CADPS2: variants seen among roughly 807,000 people sequenced by gnomAD.
The protein encoded by CADPS2 is calcium dependent secretion activator 2.
A neutral mutation model predicts 172.5 loss-of-function variants in CADPS2; 93 were observed. The ratio of observed to expected loss-of-function variants is 0.54; its 90% CI spans 0.46 to 0.64. The LOEUF is 0.64. CADPS2 is among the 30% of genes least tolerant of loss of function. The pLI is 0.00. For synonymous variants in CADPS2, 546 were observed against 555.2 expected, an observed-to-expected ratio of 0.98 and a Z score of 0.23; for missense variants, 1,420 against 1,565.9, an observed-to-expected ratio of 0.91 and a Z score of 1.57.
intron 8 of CADPS2, among the ~76,000 whole-genome samples, chr7:122,549,389 C>T (rs561261499): frequency 2.0e-5 from 3 of 152,110 alleles, no homozygotes; most frequent in East Asian, 3.9e-4. Context: ...CAATACTTAC[C>T]GTCTACATGA....
At chr7:122,706,331 T>A (rs1260682705) in intron 2 of CADPS2, among the ~76,000 whole-genome samples, 3 of 43,192 alleles carry the variant, frequency 6.9e-5, no homozygotes, top group African/African-American at 2.1e-4. Context: ...TATATGCTTA[T>A]ATATTCAAGG....
chr7:122,357,129 C>A (rs1388209500), intron 27 of CADPS2, among the ~76,000 whole-genome samples: 1 of 152,128 alleles, frequency 6.6e-6, no homozygotes, highest in Non-Finnish European at 1.5e-5. Context: ...ACTGATATTT[C>A]CAACTCTAAT....
chr7:122,602,004 CA>C (rs1181727176), intron 6 of CADPS2, among the ~76,000 whole-genome samples: 2 of 151,542 alleles, frequency 1.3e-5, no homozygotes, highest in Non-Finnish European at 2.9e-5. Flanking sequence ...AACTTACTGA[CA>C]AAAAATGTAT....
At chr7:122,655,034 C>G (rs2430045) in intron 3 of CADPS2, among the ~76,000 whole-genome samples, 2 of 152,034 alleles carry the variant, frequency 1.3e-5, no homozygotes, top group Admixed American at 1.3e-4. Flanking sequence ...GAATTAGAAA[C>G]AGAAGTGGAG....
At chr7:122,377,779 A>G (rs192867457) in intron 25 of CADPS2, among the ~76,000 whole-genome samples, 25 of 152,006 alleles carry the variant, frequency 1.6e-4, no homozygotes, top group African/African-American at 5.5e-4. Flanking sequence ...CTTGTTGGTG[A>G]GTGTGTGAGG....
intron 27 of CADPS2, among the ~76,000 whole-genome samples, chr7:122,359,318 T>C (rs1017977189): frequency 6.6e-6 from 1 of 152,066 alleles, no homozygotes; most frequent in Non-Finnish European, 1.5e-5. Flanking sequence ...AACAGTAGGC[T>C]GCCATATGGT....
At chr7:122,751,179 A>G (rs550044128) in intron 1 of CADPS2, among the ~76,000 whole-genome samples, 1 of 152,104 alleles carries the variant, frequency 6.6e-6, no homozygotes, top group Non-Finnish European at 1.5e-5. Flanking sequence ...GGGTCTGCCT[A>G]TGTTGCCCAG....
intron 8 of CADPS2, among the ~76,000 whole-genome samples, chr7:122,514,763 C>T (rs1483894519): frequency 1.3e-5 from 2 of 151,904 alleles, no homozygotes; most frequent in East Asian, 1.9e-4. Context: ...TTAGTCAATA[C>T]GTGCTGGCAT....
chr7:122,439,121 C>T (rs1346321351), intron 16 of CADPS2, among the ~76,000 whole-genome samples: 1 of 152,096 alleles, frequency 6.6e-6, no homozygotes, highest in Non-Finnish European at 1.5e-5. Context: ...TGATTATTCT[C>T]TGTTGGGCTC....
intron 6 of CADPS2, among the ~76,000 whole-genome samples, chr7:122,604,107 T>C (rs1215959628): frequency 6.6e-6 from 1 of 152,144 alleles, no homozygotes; most frequent in Non-Finnish European, 1.5e-5. Context: ...AACACAAAAA[T>C]TCTACTTCCT....
chr7:122,843,468 A>G (rs530172931), intron 1 of CADPS2, among the ~76,000 whole-genome samples: 5 of 152,288 alleles, frequency 3.3e-5, no homozygotes, highest in African/African-American at 1.2e-4. Flanking sequence ...TTTTGGCATG[A>G]GGGGATATTT....
intron 22 of CADPS2, 52 bp from the exon 23 acceptor site, chr7:122,388,790 A>T (rs767914291): frequency 1.4e-5 from 21 of 1,452,996 alleles, no homozygotes; most frequent in Non-Finnish European, 1.8e-5. Context: ...AATTAGGTAT[A>T]CCATTAATAC....
At chr7:122,574,789 A>AT (rs1168192525) in intron 7 of CADPS2, among the ~76,000 whole-genome samples, 1 of 152,068 alleles carries the variant, frequency 6.6e-6, no homozygotes, top group Non-Finnish European at 1.5e-5. Flanking sequence ...TAACACACAA[A>AT]TTTTTTTTAA....
chr7:122,354,178 G>A (rs1335099660), intron 27 of CADPS2: 2 of 152,080 alleles, frequency 1.3e-5, no homozygotes, highest in Non-Finnish European at 2.9e-5. Context: ...CTACAATGTA[G>A]ATACTAGATT....
At chr7:122,588,346 T>C (rs1267880005) in intron 6 of CADPS2, among the ~76,000 whole-genome samples, 3 of 152,066 alleles carry the variant, frequency 2.0e-5, no homozygotes, top group Admixed American at 1.3e-4. Flanking sequence ...TACATTTAAA[T>C]CTTTAATCCA....
chr7:122,673,115 T>G (rs1180495721), intron 2 of CADPS2, among the ~76,000 whole-genome samples: 1 of 151,994 alleles, frequency 6.6e-6, no homozygotes, highest in Admixed American at 6.6e-5. Flanking sequence ...GCTTCAGGAG[T>G]GAAGTTGCAG....
intron 1 of CADPS2, among the ~76,000 whole-genome samples, chr7:122,805,704 G>A (rs1430310040): frequency 1.3e-5 from 2 of 152,166 alleles, no homozygotes; most frequent in African/African-American, 4.8e-5. Flanking sequence ...GTCTCTGAAT[G>A]TCAAGGGCTG....
In CADPS2 at chr7:122,871,129, C is replaced by G. The variant is rs188900894; in HGVS notation, c.339+14870G>C. ...GATAGAAAACTGAAAATGGAAAAGTCAAACAAAGGAAGACAGGGGACAACG... is the reference window on the plus strand; with the variant it reads ...GATAGAAAACTGAAAATGGAAAAGTGAAACAAAGGAAGACAGGGGACAACG... On this transcript the variant is annotated intron_variant, in intron 1 of 29. Coordinates refer to ENST00000449022, the MANE Select transcript of CADPS2 (RefSeq NM_017954.11). Among the ~76,000 whole-genome samples, 424 of 150,940 alleles carry G rather than the reference C, an allele frequency of 2.8e-3. 2 individuals are homozygous for G. Among genetic ancestry groups the G allele is most frequent in the African/African-American group, 9.9e-3 (409 of 41,162 alleles).
At chr7:122,819,146 A>G (rs1401698318) in intron 1 of CADPS2, among the ~76,000 whole-genome samples, 3 of 152,224 alleles carry the variant, frequency 2.0e-5, no homozygotes, top group East Asian at 1.9e-4. Flanking sequence ...CCTGAACTGC[A>G]GCAGCCAGGC....
Sources: gnomAD v4.1 joint callset for allele counts (sites outside exome capture counted in the v4.1 genomes callset) on GRCh38, gnomAD v4.1.1 for gene constraint, MANE v1.5 for transcripts, NCBI Gene and HGNC (gene_info 2026-07-23, HGNC 2026-07-21) for gene names.